Variants in ZSCAN18 observed in about 807,000 individuals in gnomAD.
The protein encoded by ZSCAN18 is zinc finger and SCAN domain-containing protein 18.
Under a neutral mutation model 31.1 loss-of-function variants are expected in ZSCAN18, and 16 were observed. That is an observed-to-expected ratio of 0.51 (90% CI 0.35 to 0.78). The LOEUF (loss-of-function observed/expected upper bound fraction) is 0.78, where lower values mean the gene tolerates loss of function less well. ZSCAN18 is among the 30% of genes least tolerant of loss of function. ZSCAN18 has a pLI of 0.01. For synonymous variants in ZSCAN18, 375 were observed against 320.7 expected, an observed-to-expected ratio of 1.17 and a Z score of -1.81; for missense variants, 731 against 697.4, an observed-to-expected ratio of 1.05 and a Z score of -0.54.
At chr19:58,085,862 GTTC>G (rs2074268864) in intron 6 of ZSCAN18, 1 of 376,700 alleles carries the variant, frequency 2.7e-6, no homozygotes, top group African/African-American at 2.1e-5. Flanking sequence ...GCCTCTAGGT[GTTC>G]TTGTTGGTGT....
At chr19:58,091,570 TGA>T (rs920991179) in intron 1 of ZSCAN18, among the ~76,000 whole-genome samples, 4 of 151,614 alleles carry the variant, frequency 2.6e-5, no homozygotes, top group Non-Finnish European at 4.4e-5. Flanking sequence ...CCACAATGAC[TGA>T]GAGAGTTCAG....
chr19:58,111,806 A>G (rs1327103120), intron 1 of ZSCAN18, among the ~76,000 whole-genome samples: 1 of 152,232 alleles, frequency 6.6e-6, no homozygotes, highest in East Asian at 1.9e-4. Flanking sequence ...GAAACCTAGA[A>G]ACCATATCCC....
chr19:58,103,272 C>G (rs2074609545), intron 1 of ZSCAN18, among the ~76,000 whole-genome samples: 1 of 152,132 alleles, frequency 6.6e-6, no homozygotes, highest in Non-Finnish European at 1.5e-5. Flanking sequence ...GACTAACTTC[C>G]AGATATAGGC....
At chr19:58,113,749 T>C (rs373697099) in intron 1 of ZSCAN18, among the ~76,000 whole-genome samples, 102 of 152,104 alleles carry the variant, frequency 6.7e-4, no homozygotes, top group African/African-American at 2.2e-3. Context: ...AAGGCTGAGG[T>C]GGGTGGATCA....
Position 58,090,532 on chromosome 19 carries a change from G to T in ZSCAN18, c.-119-146C>A. 1.6e-6 allele frequency: 1 copy of T among 640,704 alleles called. No individual in the cohort carries two copies. The highest frequency in any genetic ancestry group is 2.6e-6 in the Non-Finnish European group (1 of 389,216). The allele number at this position is 640,704 out of a possible 1,614,324, so 39.7% of individuals were successfully genotyped here. On this transcript the variant is annotated intron_variant, in intron 1 of 6. Transcript: ENST00000601144. The surrounding 1 kb of genome is among the most constrained non-coding windows in gnomAD (Gnocchi z 4.7). ...TAGGCATCAGTAGAACCTCAGTGTT[G>T]TACTCATGTAGATAAAAAGTAGCAT...
At chr19:58,108,627 G>A in intron 1 of ZSCAN18, 1 of 985,602 alleles carries the variant, frequency 1.0e-6, no homozygotes, top group Non-Finnish European at 1.2e-6. Flanking sequence ...TCTGGTGACT[G>A]ATGAAATGAG....
At chr19:58,089,302 C>CAAA (rs374086957) in intron 2 of ZSCAN18, among the ~76,000 whole-genome samples, 6 of 45,298 alleles carry the variant, frequency 1.3e-4, no homozygotes, top group East Asian at 1.1e-3. Flanking sequence ...GACTCCGTCT[C>CAAA]AAAAAAAAAA....
intron 5 of ZSCAN18, chr19:58,086,604 G>C (rs1394497914): frequency 4.1e-6 from 2 of 490,732 alleles, no homozygotes; most frequent in Middle Eastern, 5.3e-4. Flanking sequence ...CCTTGATCAG[G>C]CCATGCAGGT....
At chr19:58,091,617 C>G (rs1316756156) in intron 1 of ZSCAN18, among the ~76,000 whole-genome samples, 2 of 152,058 alleles carry the variant, frequency 1.3e-5, no homozygotes, top group Non-Finnish European at 2.9e-5. Context: ...TCAGCTGAAT[C>G]CCCACATACA....
chr19:58,085,893 A>C (rs2074269542), intron 6 of ZSCAN18: 1 of 403,210 alleles, frequency 2.5e-6, no homozygotes, highest in Non-Finnish European at 4.5e-6. Flanking sequence ...CAGAGCCTCC[A>C]ATGGGGCAGA....
upstream of ZSCAN18, among the ~76,000 whole-genome samples, chr19:58,101,387 G>C (rs1213610987): frequency 6.8e-6 from 1 of 146,084 alleles, no homozygotes; most frequent in East Asian, 2.0e-4. Context: ...CTGACCTCAT[G>C]ATCCACCCGC....
intron 1 of ZSCAN18, among the ~76,000 whole-genome samples, chr19:58,096,411 T>C (rs2074521502): frequency 6.6e-6 from 1 of 152,122 alleles, no homozygotes; most frequent in Admixed American, 6.6e-5. Flanking sequence ...AATGAAGCAA[T>C]CTGCACAAGT....
At chr19:58,087,617 C>A in intron 3 of ZSCAN18, 1 of 548,850 alleles carries the variant, frequency 1.8e-6, no homozygotes, top group Non-Finnish European at 3.2e-6. Context: ...CCATTCAAGT[C>A]CACTGGATTC....
intron 1 of ZSCAN18, among the ~76,000 whole-genome samples, chr19:58,091,637 T>C (rs1351174613): frequency 6.6e-6 from 1 of 152,068 alleles, no homozygotes; most frequent in Non-Finnish European, 1.5e-5. Flanking sequence ...AGGGCAGCCC[T>C]ATCATTAAGT....
intron 1 of ZSCAN18, among the ~76,000 whole-genome samples, chr19:58,105,195 T>C (rs1472087454): frequency 6.6e-6 from 1 of 152,224 alleles, no homozygotes; most frequent in African/African-American, 2.4e-5. Flanking sequence ...AAACCCACTG[T>C]TGAGAGACTT....
At chr19:58,114,776 T>G (rs2074716793) in intron 1 of ZSCAN18, among the ~76,000 whole-genome samples, 1 of 152,200 alleles carries the variant, frequency 6.6e-6, no homozygotes. Flanking sequence ...TGATACTCTT[T>G]TTTCTCAACT....
chr19:58,112,950 C>CAAA lies in ZSCAN18; in HGVS notation c.130+5314_130+5316dup, dbSNP rs55721042. Among the ~76,000 whole-genome samples the CAAA allele has an allele frequency of 1.6e-4, 11 of 69,484 alleles. 1 individual carries two copies. The highest frequency in any genetic ancestry group is 8.6e-4 in the East Asian group (2 of 2,336). The allele number at this position is 69,484 out of a possible 152,430, so 45.6% of individuals were successfully genotyped here. On this transcript the variant is annotated intron_variant, in intron 1 of 1. Transcript: ENST00000595721. ...TGGGCGATAAAGCAAGGCTCCGTTT[C>CAAA]AAAAAAAAAAAAAAAAAAAGAATTT... is the stretch of plus-strand genomic sequence containing the variant.
In ZSCAN18 at chr19:58,090,089, GC is replaced by G; in HGVS notation, c.178del (p.Ala60LeufsTer19). On this transcript the variant is annotated frameshift_variant, in exon 2 of 7. Transcript: ENST00000601144. LOFTEE classifies it high-confidence loss of function. This position sits in a 1 kb window ranked among gnomAD's most constrained non-coding sequence, Gnocchi z 4.7. The part of the protein sequence containing the change: ...LRFREFVYQE[A>X]AGPHQTLARL... ...GGCCAGGGTCTGGTGGGGCCCGGCA[GC>G]CTCCTGGTAGACAAATTCCCGGAAA... The G allele has an allele frequency of 6.2e-7, 1 of 1,613,808 alleles. No individual in the cohort carries two copies. The highest frequency in any genetic ancestry group is 8.5e-7 in the Non-Finnish European group (1 of 1,179,902).
chr19:58,085,052 C>A lies in ZSCAN18; in HGVS notation c.1166G>T (p.Gly389Val), dbSNP rs376526925. The change falls in exon 7 of 7, where the codon GGC becomes GTC. Residue 389 changes from glycine to valine, a missense_variant. Coordinates refer to ENST00000601144, the MANE Select transcript of ZSCAN18 (RefSeq NM_001145543.2). ...CCCGGCCTCCAGCCCTGCGCTGTCG[C>A]CGGAGCTAGAGACGCCCTCGAGGCT... ...GQSLEGVSSS[G>V]DSAGLEAGQG... The A allele has an allele frequency of 6.3e-6, 10 of 1,598,450 alleles. No individual in the cohort carries two copies. In the African/African-American group the frequency reaches 1.1e-4, roughly 17 times the overall value.
Sources: gnomAD v4.1 joint callset for allele counts (sites outside exome capture counted in the v4.1 genomes callset) on GRCh38, gnomAD v4.1.1 for gene constraint, Gnocchi (gnomAD v3.1) non-coding constraint, MANE v1.5 for transcripts, NCBI Gene and HGNC (gene_info 2026-07-23, HGNC 2026-07-21) for gene names.